Variants in AHCTF1 observed in about 807,000 individuals in gnomAD.
The protein encoded by AHCTF1 is AT-hook containing transcription factor 1, also known as protein ELYS.
In AHCTF1, 24 loss-of-function variants were observed where a neutral mutation model predicts 248.4. The observed-to-expected ratio is 0.10, with a 90% CI of 0.07 to 0.14. The LOEUF is 0.14. Ranked by LOEUF, AHCTF1 falls within the 10% of genes least tolerant of loss-of-function variation. The pLI is 1.00. For synonymous variants in AHCTF1, 786 were observed against 929.8 expected, an observed-to-expected ratio of 0.85 and a Z score of 2.81; for missense variants, 2,206 against 2,636.2, an observed-to-expected ratio of 0.84 and a Z score of 3.57.
chr1:246,885,447 T>C, intron 21 of AHCTF1, 46 bp downstream of exon 21: 1 of 1,478,600 alleles, frequency 6.8e-7, no homozygotes. Context: ...TTCCATTTTA[T>C]TAACAGATAC....
Position 246,840,728 on chromosome 1 carries a change from T to G in AHCTF1, c.*78A>C. 31 of 1,051,782 alleles carry G rather than the reference T, an allele frequency of 2.9e-5. No individual in the cohort carries two copies. Among genetic ancestry groups the G allele is most frequent in the Non-Finnish European group, 3.9e-5 (30 of 764,940 alleles). 65.2% of individuals were successfully genotyped at this position (1,051,782 alleles called of 1,614,324 possible). On this transcript the variant is annotated 3_prime_UTR_variant, in exon 36 of 36. Transcript: ENST00000648844. ...ACAATAATTTATATAAATTATTTTC[T>G]TCCAAACTAGATATTTAATAATCCA...
At chr1:246,883,387 G>A (rs1283126153) in intron 21 of AHCTF1, among the ~76,000 whole-genome samples, 3 of 152,312 alleles carry the variant, frequency 2.0e-5, no homozygotes, top group East Asian at 1.9e-4. Context: ...ATGTATGACC[G>A]CAGGAGATAC....
chr1:246,918,238 C>T lies in AHCTF1; in HGVS notation c.121+12G>A. The stretch of plus-strand genomic sequence containing the variant: ...AATTGTATTAGTAAATGTTCAGTGA[C>T]ATTATGTTTACCTGCAGCAAACTTT... On this transcript the variant is annotated intron_variant, in intron 2 of 35. Coordinates refer to ENST00000648844, the MANE Select transcript of AHCTF1 (RefSeq NM_001323342.2). 1 of 1,603,068 alleles carries T rather than the reference C, an allele frequency of 6.2e-7. No homozygotes were observed. The highest frequency in any genetic ancestry group is 2.2e-5 in the East Asian group (1 of 44,660).
intron 21 of AHCTF1, among the ~76,000 whole-genome samples, chr1:246,880,336 G>A (rs1239278802): frequency 6.6e-6 from 1 of 151,764 alleles, no homozygotes; most frequent in African/African-American, 2.4e-5. Flanking sequence ...AGCCCGAGGC[G>A]GGCAGATCAC....
chr1:246,859,430 C>A (rs1189443423), intron 29 of AHCTF1, among the ~76,000 whole-genome samples: 2 of 152,168 alleles, frequency 1.3e-5, no homozygotes, highest in Non-Finnish European at 2.9e-5. Flanking sequence ...CAGTATAGTC[C>A]ACCATGCTCT....
At chr1:246,888,292 GCTT>G in intron 18 of AHCTF1, 59 bp from the exon 19 acceptor site, 1 of 1,611,672 alleles carries the variant, frequency 6.2e-7, no homozygotes, top group Non-Finnish European at 8.5e-7. Context: ...ATTCATTCAT[GCTT>G]CTTGTTTTCC....
At chr1:246,922,982 CAAAAA>C (rs34313695) in intron 1 of AHCTF1, among the ~76,000 whole-genome samples, 2 of 63,940 alleles carry the variant, frequency 3.1e-5, no homozygotes, top group Non-Finnish European at 2.9e-5. Flanking sequence ...GACTCTGTCT[CAAAAA>C]AAAAAAAAAA....
rs747582142 is a variant in AHCTF1 at position 246,885,552 on chromosome 1, C to T, written c.2601G>A (p.Lys867=). 4.7e-5 allele frequency: 75 copies of T among 1,611,456 alleles called. No individual in the cohort carries two copies. Among genetic ancestry groups the T allele is most frequent in the Non-Finnish European group, 6.2e-5 (73 of 1,178,752 alleles). ...RQALRYIQTM[K]PTVSSGNDVI... Reference sequence around the variant, plus strand: ...CATCGTTACCACTGGACACTGTTGGCTTCATTGTCTGAATATATCTGAGGG... The same window carrying T: ...CATCGTTACCACTGGACACTGTTGGTTTCATTGTCTGAATATATCTGAGGG... Residue 867 remains lysine (K), a synonymous_variant, in exon 21 of 36, where the codon AAG becomes AAA. Coordinates refer to ENST00000648844, the MANE Select transcript of AHCTF1 (RefSeq NM_001323342.2).
At chr1:246,853,394 G>T in intron 31 of AHCTF1, 95 bp from the exon 32 acceptor site, 1 of 958,998 alleles carries the variant, frequency 1.0e-6, no homozygotes, top group Non-Finnish European at 1.6e-6. Context: ...CACTGCACTT[G>T]AATAGTGTAT....
At position 246,913,522 on chromosome 1, in the gene AHCTF1, T is replaced by C. The variant is rs139084142; in HGVS notation, c.376-110A>G. The C allele has an allele frequency of 5.4e-3, 5,663 of 1,043,552 alleles. 124 individuals carry two copies. In the South Asian group the frequency reaches 0.058, roughly 11 times the overall value. 64.6% of individuals were successfully genotyped at this position (1,043,552 alleles called of 1,614,324 possible). On this transcript the variant is annotated intron_variant, in intron 3 of 35. Transcript: ENST00000648844. The stretch of plus-strand genomic sequence containing the variant: ...ATCAGTTATAATAGATTTAAGACTA[T>C]AGAGTAAATTTGCATTTGATACTTG...
In AHCTF1 at chr1:246,864,772, G is replaced by A. The variant is rs1368356629; in HGVS notation, c.3348-656C>T. 9.7e-5 allele frequency among the ~76,000 whole-genome samples: 6 copies of A among 61,960 alleles called. 1 individual carries two copies. The highest frequency in any genetic ancestry group is 8.4e-4 in the South Asian group (2 of 2,392). The allele number at this position is 61,960 out of a possible 152,430, so 40.6% of individuals were successfully genotyped here. ...GGAGAATGGCGTGAACCCGGGAAGC[G>A]GAGCTTGCAGTGAGCCGAGATTGCG... is the stretch of plus-strand genomic sequence containing the variant. On this transcript the variant is annotated intron_variant, in intron 26 of 35. Transcript: ENST00000648844.
rs372858806 is a variant in AHCTF1 at position 246,862,020 on chromosome 1, C to T, written c.3674G>A (p.Arg1225Gln). Residue 1225 changes from arginine (R) to glutamine (Q), a missense_variant, in exon 28 of 36, where the codon CGA becomes CAA. Coordinates refer to ENST00000648844, the MANE Select transcript of AHCTF1 (RefSeq NM_001323342.2). ...AAATGAAATTCTAGTTTCTTTAAGT[C>T]GTTGAGGAGACCTTCCAGGTGATGG... ...PSPSPGRSPQ[R>Q]LKETRISFVE... is the part of the protein sequence containing the mutation. 4 of 1,613,634 alleles carry T rather than the reference C, an allele frequency of 2.5e-6. No individual in the cohort carries two copies. The highest frequency in any genetic ancestry group is 1.7e-5 in the Admixed American group (1 of 59,980).
chr1:246,858,740 G>C (rs550077374), intron 29 of AHCTF1, among the ~76,000 whole-genome samples: 2 of 151,520 alleles, frequency 1.3e-5, no homozygotes, highest in Admixed American at 6.6e-5. Context: ...CAGAGGTTGC[G>C]GTGAGCCGAG....
chr1:246,927,882 C>T (rs1667055083), intron 1 of AHCTF1, among the ~76,000 whole-genome samples: 1 of 152,168 alleles, frequency 6.6e-6, no homozygotes, highest in Non-Finnish European at 1.5e-5. Context: ...GCGCTGTAGT[C>T]CCAGCTACTT....
intron 10 of AHCTF1, 83 bp downstream of exon 10, chr1:246,899,982 A>G: frequency 2.9e-6 from 4 of 1,357,336 alleles, no homozygotes; most frequent in Non-Finnish European, 3.0e-6. Context: ...AGATAACACT[A>G]AATGAATAAA....
At chr1:246,911,961 T>C (rs143015709) in intron 4 of AHCTF1, among the ~76,000 whole-genome samples, 1 of 152,230 alleles carries the variant, frequency 6.6e-6, no homozygotes, top group African/African-American at 2.4e-5. Context: ...TGAGATGGAT[T>C]CTTGCTCTGT....
chr1:246,877,978 T>C lies in AHCTF1; in HGVS notation c.2661-676A>G, dbSNP rs139612779. ...CTCATACCCCACCGACAGGATTATCTTGAAGGTTCACTTGAGCATATCTAT... is the reference window on the plus strand; with the variant it reads ...CTCATACCCCACCGACAGGATTATCCTGAAGGTTCACTTGAGCATATCTAT... On this transcript the variant is annotated intron_variant, in intron 21 of 35. Coordinates refer to ENST00000648844, the MANE Select transcript of AHCTF1 (RefSeq NM_001323342.2). 7.2e-5 allele frequency among the ~76,000 whole-genome samples: 11 copies of C among 152,120 alleles called. No individual in the cohort carries two copies. The East Asian group carries it at 1.9e-3, about 27-fold the overall frequency.
rs749535591 is a variant in AHCTF1, at chr1:246,840,612, A to C, written c.*194T>G. ...TACATATATAAATGTATGAAGTCTT[A>C]ATATAAAATAGAAAAATTGCCTGGA... On this transcript the variant is annotated 3_prime_UTR_variant, in exon 36 of 36. Transcript: ENST00000648844. The C allele has an allele frequency of 2.9e-6, 1 of 350,510 alleles. No homozygotes were observed. The allele number at this position is 350,510 out of a possible 1,614,324, so 21.7% of individuals were successfully genotyped here.
intron 12 of AHCTF1, among the ~76,000 whole-genome samples, chr1:246,897,818 CA>C (rs1327293961): frequency 1.1e-3 from 161 of 141,392 alleles, no homozygotes; most frequent in Non-Finnish European, 9.3e-4. Context: ...CTGTCTCTAC[CA>C]AAAAAAAAAA....
Sources: allele counts gnomAD v4.1 joint callset (sites outside exome capture counted in the v4.1 genomes callset), GRCh38; gene constraint gnomAD v4.1.1; transcripts MANE v1.5; gene names NCBI Gene and HGNC (gene_info 2026-07-23, HGNC 2026-07-21).